DTHD1: variants seen among roughly 807,000 people sequenced by gnomAD.
The protein encoded by DTHD1 is death domain-containing protein 1.
Under a neutral mutation model 74.8 loss-of-function variants are expected in DTHD1, and 59 were observed. That is an observed-to-expected ratio of 0.79 (90% CI 0.64 to 0.98). DTHD1 has a LOEUF of 0.98. Among genes scored for constraint, DTHD1 ranks in the 50% least tolerant of loss-of-function variants. The probability of loss-of-function intolerance (pLI) is 0.00; values close to 1 mark genes in which losing one functional copy is unlikely to be tolerated. For synonymous variants in DTHD1, 365 were observed against 371.1 expected (o/e 0.98, Z 0.19); for missense variants, 1,051 against 1,065.4 (o/e 0.99, Z 0.19).
chr4:36,340,038 C>T (rs1759230506), intron 9 of DTHD1, among the ~76,000 whole-genome samples: 1 of 152,188 alleles, frequency 6.6e-6, no homozygotes, highest in South Asian at 2.1e-4. Context: ...CCATCATTAA[C>T]AGTCACTGGA....
chr4:36,293,380 T>A, intron 3 of DTHD1, 146 bp from the exon 4 acceptor site: 1 of 532,044 alleles, frequency 1.9e-6, no homozygotes, highest in African/African-American at 2.0e-5. Context: ...ATAATGACCA[T>A]CCATTTTAGG....
intron 9 of DTHD1, among the ~76,000 whole-genome samples, chr4:36,342,383 G>A (rs1002547784): frequency 1.3e-5 from 2 of 152,146 alleles, no homozygotes; most frequent in Non-Finnish European, 2.9e-5. Flanking sequence ...TGGAATGCTT[G>A]CTTAACACCA....
intron 5 of DTHD1, among the ~76,000 whole-genome samples, chr4:36,298,569 T>C (rs1396116512): frequency 1.3e-5 from 2 of 152,174 alleles, no homozygotes; most frequent in South Asian, 2.1e-4. Flanking sequence ...ACATTTTCTA[T>C]GGAAACAGAA....
intron 1 of DTHD1, among the ~76,000 whole-genome samples, chr4:36,283,604 A>T (rs1255126658): frequency 6.6e-6 from 1 of 152,224 alleles, no homozygotes; most frequent in Non-Finnish European, 1.5e-5. Context: ...TTGTACATCC[A>T]GTGGTAAAAG....
chr4:36,286,547 G>A (rs1755723613), intron 2 of DTHD1, among the ~76,000 whole-genome samples: 1 of 152,186 alleles, frequency 6.6e-6, no homozygotes, highest in Non-Finnish European at 1.5e-5. Flanking sequence ...CTGTCCTGGT[G>A]TATACAAAAA....
chr4:36,295,670 T>C (rs1357239033), intron 5 of DTHD1, among the ~76,000 whole-genome samples: 3 of 152,090 alleles, frequency 2.0e-5, no homozygotes, highest in African/African-American at 7.2e-5. Context: ...GAATTACAGT[T>C]ACCTGGAGAA....
chr4:36,292,311 A>AAG (rs750252811), intron 3 of DTHD1, among the ~76,000 whole-genome samples: 2 of 151,652 alleles, frequency 1.3e-5, no homozygotes, highest in Admixed American at 6.6e-5. Flanking sequence ...TAAAGCAAAA[A>AAG]AGAGAGAGAG....
At chr4:36,282,402 G>A (rs1205280704) in intron 1 of DTHD1, among the ~76,000 whole-genome samples, 3 of 152,146 alleles carry the variant, frequency 2.0e-5, no homozygotes, top group African/African-American at 7.2e-5. Flanking sequence ...CTTAGAGACA[G>A]GAAAATACAG....
chr4:36,312,225 A>G (rs1167990778), intron 7 of DTHD1, among the ~76,000 whole-genome samples: 1 of 151,576 alleles, frequency 6.6e-6, no homozygotes, highest in Non-Finnish European at 1.5e-5. Flanking sequence ...ACACCATGGC[A>G]TCATCCATAA....
chr4:36,335,179 G>C (rs28498624), intron 8 of DTHD1, among the ~76,000 whole-genome samples: 4 of 151,940 alleles, frequency 2.6e-5, no homozygotes, highest in Non-Finnish European at 4.4e-5. Flanking sequence ...TTGAAGGGGC[G>C]TATCATTTAA....
chr4:36,324,829 A>T (rs548709598), intron 8 of DTHD1, among the ~76,000 whole-genome samples: 1 of 152,374 alleles, frequency 6.6e-6, no homozygotes, highest in East Asian at 1.9e-4. Flanking sequence ...GTTAATTGCA[A>T]ATGAATAGTA....
At chr4:36,339,232 T>C in intron 9 of DTHD1, 63 bp downstream of exon 9, 2 of 1,120,732 alleles carry the variant, frequency 1.8e-6, no homozygotes, top group African/African-American at 1.6e-5. Context: ...GTTGTATATA[T>C]GTGAATCATT....
Position 36,284,213 on chromosome 4 carries a change from A to C in DTHD1, c.509A>C (p.His170Pro), listed in dbSNP as rs754479458. ...TCTCCCACAAATGGAGAGGAAAGTC[A>C]TTACACAAACCAGGTCCAGTTAGAA... ...TVSPTNGEESHYTNQVQLEKN... is the reference protein window; with the variant it reads ...TVSPTNGEESPYTNQVQLEKN... The change falls in exon 2 of 10, where the codon CAT becomes CCT. Residue 170 changes from histidine (H) to proline (P), a missense_variant. By Grantham distance (77) the His-to-Pro change is moderately conservative (BLOSUM62 -2). Transcript: ENST00000639862. The C allele has an allele frequency of 2.6e-6, 4 of 1,537,190 alleles. No homozygotes were observed. The South Asian group carries it at 3.6e-5, about 14-fold the overall frequency.
intron 3 of DTHD1, 40 bp downstream of exon 3, chr4:36,290,743 C>T (rs1756029725): frequency 4.2e-6 from 6 of 1,436,112 alleles, no homozygotes; most frequent in Non-Finnish European, 5.6e-6. Flanking sequence ...TGCTGTTTGG[C>T]TCCTCTTATA....
intron 8 of DTHD1, among the ~76,000 whole-genome samples, chr4:36,317,039 T>C (rs1757779046): frequency 6.6e-6 from 1 of 152,216 alleles, no homozygotes; most frequent in Admixed American, 6.5e-5. Flanking sequence ...AAACAGGACT[T>C]GGTGAATCTA....
Position 36,346,273 on chromosome 4 carries a change from G to A in DTHD1, c.*2449G>A, listed in dbSNP as rs113337077. Among the ~76,000 whole-genome samples, 960 of 151,032 alleles carry A rather than the reference G, an allele frequency of 6.4e-3. 9 individuals are homozygous for A. Among genetic ancestry groups the A allele is most frequent in the African/African-American group, 0.022 (892 of 41,196 alleles). ...CACACACACGACATCTCACTTTACC[G>A]TTACCACTTCACCTGCACATATACA... is the stretch of plus-strand genomic sequence containing the variant. On this transcript the variant is annotated 3_prime_UTR_variant, in exon 10 of 10. Transcript: ENST00000639862.
intron 5 of DTHD1, among the ~76,000 whole-genome samples, chr4:36,295,584 T>TA (rs556173917): frequency 2.3e-4 from 35 of 151,722 alleles, no homozygotes; most frequent in African/African-American, 6.5e-4. Flanking sequence ...GAATATATAT[T>TA]AAAAAAAACT....
chr4:36,327,648 G>A (rs1046926342), intron 8 of DTHD1, among the ~76,000 whole-genome samples: 1 of 152,194 alleles, frequency 6.6e-6, no homozygotes, highest in Non-Finnish European at 1.5e-5. Context: ...AATCCTCATG[G>A]CAACCTCATG....
chr4:36,293,128 C>A lies in DTHD1; in HGVS notation c.1219-398C>A, dbSNP rs1756179976. On this transcript the variant is annotated intron_variant, in intron 3 of 9. Coordinates refer to ENST00000639862, the MANE Select transcript of DTHD1 (RefSeq NM_001170700.3). ...CTACACAAATAATGGAATTCCAGTC[C>A]TTAGGATTCCCTAGAACAGTGTTGA... Among the ~76,000 whole-genome samples the A allele has an allele frequency of 2.0e-5, 3 of 152,148 alleles. No homozygotes were observed. In the South Asian group the frequency reaches 6.2e-4, roughly 32 times the overall value.
Sources: gnomAD v4.1 joint callset for allele counts (sites outside exome capture counted in the v4.1 genomes callset) on GRCh38, gnomAD v4.1.1 for gene constraint, MANE v1.5 for transcripts, NCBI Gene and HGNC (gene_info 2026-07-23, HGNC 2026-07-21) for gene names.